DTNA: variants seen among roughly 807,000 people sequenced by gnomAD.
The protein encoded by DTNA is dystrobrevin alpha.
In DTNA, 43 loss-of-function variants were observed where a neutral mutation model predicts 100.7. That is an observed-to-expected ratio of 0.43 (90% CI 0.33 to 0.55). The LOEUF (loss-of-function observed/expected upper bound fraction) is 0.55. Ranked by LOEUF, DTNA falls within the 20% of genes least tolerant of loss-of-function variation. DTNA has a pLI of 0.04. For missense variants in DTNA, 798 were observed against 953.9 expected, an observed-to-expected ratio of 0.84 and a Z score of 2.15; for synonymous variants, 349 against 347.9, an observed-to-expected ratio of 1.00 and a Z score of -0.04.
At chr18:34,836,833 C>CA (rs2149694848) in intron 11 of DTNA, among the ~76,000 whole-genome samples, 1 of 152,068 alleles carries the variant, frequency 6.6e-6, no homozygotes, top group African/African-American at 2.4e-5. Context: ...TTAAATTTAT[C>CA]AGATACCTCA....
chr18:34,885,356 A>G (rs1403463922), intron 22 of DTNA, among the ~76,000 whole-genome samples: 1 of 152,234 alleles, frequency 6.6e-6, no homozygotes, highest in Non-Finnish European at 1.5e-5. Flanking sequence ...ATTAATTTAA[A>G]ATATTATTTT....
intron 1 of DTNA, among the ~76,000 whole-genome samples, chr18:34,626,162 T>C (rs1599244484): frequency 1.3e-5 from 2 of 152,288 alleles, no homozygotes; most frequent in African/African-American, 4.8e-5. Context: ...AGATGTACAA[T>C]GAATGTTATT....
At chr18:34,698,701 G>C (rs1460644896) in intron 1 of DTNA, among the ~76,000 whole-genome samples, 1 of 152,182 alleles carries the variant, frequency 6.6e-6, no homozygotes, top group South Asian at 2.1e-4. Context: ...AGAACTTGGA[G>C]TCCGATGTTT....
chr18:34,599,689 G>T (rs2051365730), intron 1 of DTNA, among the ~76,000 whole-genome samples: 1 of 151,898 alleles, frequency 6.6e-6, no homozygotes, highest in Non-Finnish European at 1.5e-5. Context: ...TTGTTTTCTT[G>T]TTGTTTCTTT....
At chr18:34,689,047 C>A (rs2079331850) in intron 1 of DTNA, among the ~76,000 whole-genome samples, 1 of 152,092 alleles carries the variant, frequency 6.6e-6, no homozygotes, top group Non-Finnish European at 1.5e-5. Flanking sequence ...ATTCCTCTAA[C>A]CTTTTTTCAA....
At chr18:34,723,910 A>AAAAG (rs570250365) in intron 1 of DTNA, among the ~76,000 whole-genome samples, 49 of 150,612 alleles carry the variant, frequency 3.3e-4, no homozygotes, top group Non-Finnish European at 5.8e-4. Context: ...AAAAAAAAAG[A>AAAAG]AAAGAAAGAA....
At chr18:34,619,060 T>C (rs1225752762) in intron 1 of DTNA, among the ~76,000 whole-genome samples, 1 of 152,178 alleles carries the variant, frequency 6.6e-6, no homozygotes, top group Non-Finnish European at 1.5e-5. Flanking sequence ...TGCGTTTGTG[T>C]GTGCATGCAA....
At chr18:34,823,422 G>A (rs2095776758) in intron 9 of DTNA, among the ~76,000 whole-genome samples, 1 of 152,020 alleles carries the variant, frequency 6.6e-6, no homozygotes, top group South Asian at 2.1e-4. Flanking sequence ...GCTGTACAAT[G>A]GAAATAAGTG....
intron 1 of DTNA, among the ~76,000 whole-genome samples, chr18:34,567,691 A>AT (rs2047205479): frequency 6.6e-6 from 1 of 152,148 alleles, no homozygotes; most frequent in Non-Finnish European, 1.5e-5. Flanking sequence ...TTAAAAAAAA[A>AT]TTTTACCTAA....
intron 1 of DTNA, among the ~76,000 whole-genome samples, chr18:34,530,966 T>C (rs1261048248): frequency 2.0e-5 from 3 of 152,250 alleles, no homozygotes; most frequent in East Asian, 1.9e-4. Context: ...AGTTACAAGC[T>C]ACAGGTGCTT....
At chr18:34,571,022 C>T (rs1167358725) in intron 1 of DTNA, among the ~76,000 whole-genome samples, 2 of 152,134 alleles carry the variant, frequency 1.3e-5, no homozygotes, top group Admixed American at 6.5e-5. Context: ...TCCATAATAG[C>T]CTTTGTAAGG....
chr18:34,743,059 T>A (rs2090991711), intron 1 of DTNA, among the ~76,000 whole-genome samples: 2 of 152,132 alleles, frequency 1.3e-5, no homozygotes, highest in African/African-American at 4.8e-5. Context: ...CTTCCCTTAA[T>A]TTCAGAAAAA....
intron 1 of DTNA, among the ~76,000 whole-genome samples, chr18:34,639,896 A>T (rs1425550514): frequency 6.6e-6 from 1 of 152,198 alleles, no homozygotes; most frequent in East Asian, 1.9e-4. Context: ...AGAAGTTGCA[A>T]CATCACCTTC....
intron 1 of DTNA, among the ~76,000 whole-genome samples, chr18:34,636,734 C>A (rs747674326): frequency 6.6e-6 from 1 of 152,178 alleles, no homozygotes; most frequent in Non-Finnish European, 1.5e-5. Flanking sequence ...ATGCTTCTTT[C>A]TAAGTTTGCC....
intron 1 of DTNA, among the ~76,000 whole-genome samples, chr18:34,584,134 G>C (rs2048898117): frequency 6.6e-6 from 1 of 152,186 alleles, no homozygotes; most frequent in Non-Finnish European, 1.5e-5. Context: ...TAGAGGGTCT[G>C]ACTACCCAAG....
intron 1 of DTNA, among the ~76,000 whole-genome samples, chr18:34,720,858 G>A (rs753921206): frequency 3.3e-5 from 5 of 152,160 alleles, no homozygotes; most frequent in Non-Finnish European, 5.9e-5. Flanking sequence ...AGCTTAAATG[G>A]TGATGGTTTT....
chr18:34,643,205 C>G (rs1434226005), intron 1 of DTNA, among the ~76,000 whole-genome samples: 1 of 152,160 alleles, frequency 6.6e-6, no homozygotes, highest in Admixed American at 6.5e-5. Context: ...CCTGTGTTAA[C>G]CATTGCTGCT....
At chr18:34,525,617 C>T (rs1321399537) in intron 1 of DTNA, among the ~76,000 whole-genome samples, 1 of 152,048 alleles carries the variant, frequency 6.6e-6, no homozygotes, top group Non-Finnish European at 1.5e-5. Context: ...GAGTATATTC[C>T]ACAATAGATT....
At chr18:34,627,233 C>T (rs188039572) in intron 1 of DTNA, among the ~76,000 whole-genome samples, 31 of 151,690 alleles carry the variant, frequency 2.0e-4, no homozygotes, top group Non-Finnish European at 4.0e-4. Context: ...TTTTTGTGTT[C>T]ACTTGGTTGG....
Sources: allele counts gnomAD v4.1 joint callset (sites outside exome capture counted in the v4.1 genomes callset), GRCh38; gene constraint gnomAD v4.1.1; transcripts MANE v1.5; gene names NCBI Gene and HGNC (gene_info 2026-07-23, HGNC 2026-07-21).